ITFG1: variants seen among roughly 807,000 people sequenced by gnomAD.
ITFG1 encodes T-cell immunomodulatory protein.
In ITFG1, 34 loss-of-function variants were observed where a neutral mutation model predicts 81.8. The ratio of observed to expected loss-of-function variants is 0.42; its 90% CI spans 0.32 to 0.55. The LOEUF (loss-of-function observed/expected upper bound fraction) is 0.55. ITFG1 is among the 20% of genes least tolerant of loss of function. ITFG1 has a pLI of 0.17. For synonymous variants in ITFG1, 285 were observed against 270.6 expected (o/e 1.05, Z -0.52); for missense variants, 672 against 755.4 (o/e 0.89, Z 1.29).
In ITFG1 at chr16:47,185,312, C is replaced by G. The variant is rs1965196260; in HGVS notation, c.1454-22648G>C. 2.6e-5 allele frequency among the ~76,000 whole-genome samples: 4 copies of G among 152,206 alleles called. 1 individual carries two copies. In the South Asian group the frequency reaches 8.3e-4, roughly 32 times the overall value. ...AGCTACAGAACTCTCCACCCCAAAT[C>G]AACAGAATATACATTTTTTCAGCAC... On this transcript the variant is annotated intron_variant, in intron 14 of 17. Transcript: ENST00000320640.
At chr16:47,255,042 G>A (rs1282174775) in intron 12 of ITFG1, among the ~76,000 whole-genome samples, 3 of 152,056 alleles carry the variant, frequency 2.0e-5, no homozygotes, top group African/African-American at 7.2e-5. Context: ...AGCCAAGATC[G>A]CGCCACTGCA....
intron 6 of ITFG1, among the ~76,000 whole-genome samples, chr16:47,397,414 G>T (rs1275745347): frequency 6.6e-6 from 1 of 152,118 alleles, no homozygotes. Flanking sequence ...TAAGCAAAAA[G>T]AAAACAGTAA....
Position 47,461,028 on chromosome 16 carries a change from C to G in ITFG1, c.18G>C (p.Arg6=), listed in dbSNP as rs1034429268. 3 of 1,541,904 alleles carry G rather than the reference C, an allele frequency of 1.9e-6. No homozygotes were observed. The highest frequency in any genetic ancestry group is 2.6e-6 in the Non-Finnish European group (3 of 1,145,940). MAAAG[R]LPSSWALFSP... ...AGAAGAGGGCCCAGGAGCTCGGGAG[C>G]CGGCCCGCCGCCGCCATGGCAGCCC... The change falls in exon 1 of 18, where the codon CGG becomes CGC. Residue 6 remains arginine, a synonymous_variant. Transcript: ENST00000320640.
Position 47,318,527 on chromosome 16 carries a change from T to C in ITFG1, c.803-4704A>G, listed in dbSNP as rs539988022. Among the ~76,000 whole-genome samples, 4 of 152,302 alleles carry C rather than the reference T, an allele frequency of 2.6e-5. No individual in the cohort carries two copies. In the East Asian group the frequency reaches 5.8e-4, roughly 22 times the overall value. ...AAATGAAAATTATGGTTTCAATTGT[T>C]ACATTAAATTAAAATTTATATTTTA... is the stretch of plus-strand genomic sequence containing the variant. On this transcript the variant is annotated intron_variant, in intron 8 of 17. Transcript: ENST00000320640.
intron 13 of ITFG1, among the ~76,000 whole-genome samples, 195 bp from the exon 14 acceptor site, chr16:47,219,141 A>G (rs1351625071): frequency 6.6e-6 from 1 of 152,180 alleles, no homozygotes; most frequent in Non-Finnish European, 1.5e-5. Flanking sequence ...ACAAACAAAA[A>G]GAAAACCTGA....
chr16:47,293,121 C>G (rs1966930578), intron 10 of ITFG1, among the ~76,000 whole-genome samples: 1 of 144,940 alleles, frequency 6.9e-6, no homozygotes, highest in South Asian at 2.1e-4. Flanking sequence ...ATATCATATA[C>G]AAGCATGATA....
At chr16:47,436,818 A>C (rs1969173009) in intron 5 of ITFG1, among the ~76,000 whole-genome samples, 1 of 152,190 alleles carries the variant, frequency 6.6e-6, no homozygotes. Context: ...TGAGTTGTAA[A>C]AGGATGCATA....
rs2151594573 is a variant in ITFG1 at position 47,387,541 on chromosome 16, T to C, written c.656-11601A>G. Among the ~76,000 whole-genome samples the C allele has an allele frequency of 2.0e-5, 3 of 152,234 alleles. No homozygotes were observed. In the South Asian group the frequency reaches 6.2e-4, roughly 32 times the overall value. On this transcript the variant is annotated intron_variant, in intron 6 of 17. Coordinates refer to ENST00000320640, the MANE Select transcript of ITFG1 (RefSeq NM_030790.5). ...ATGCCCCTCAAGCCCTACTCATGCATAGGAACCTCACCCAGGCCCCACCTC... is the reference window on the plus strand; with the variant it reads ...ATGCCCCTCAAGCCCTACTCATGCACAGGAACCTCACCCAGGCCCCACCTC...
At position 47,461,004 on chromosome 16, in the gene ITFG1, G is replaced by C. The variant is rs758228621; in HGVS notation, c.42C>G (p.Phe14Leu). The C allele has an allele frequency of 1.3e-5, 21 of 1,563,020 alleles. No individual in the cohort carries two copies. The highest frequency in any genetic ancestry group is 1.7e-5 in the Non-Finnish European group (20 of 1,154,996). Residue 14 changes from phenylalanine to leucine, a missense_variant, in exon 1 of 18, where the codon TTC becomes TTG. By Grantham distance (22) the Phe-to-Leu change is conservative. Around this residue, in one of 3 missense-constraint regions of ITFG1, gnomAD observed 47 missense variants for 26.4 expected, o/e 1.78. Coordinates refer to ENST00000320640, the MANE Select transcript of ITFG1 (RefSeq NM_030790.5). ...AGRLPSSWAL[F>L]SPLLAGLALL... ...GTGCAAGCCCTGCGAGGAGCGGCGAGAAGAGGGCCCAGGAGCTCGGGAGCC... is the reference window on the plus strand; with the variant it reads ...GTGCAAGCCCTGCGAGGAGCGGCGACAAGAGGGCCCAGGAGCTCGGGAGCC...
chr16:47,402,465 C>A (rs1034817365), intron 6 of ITFG1, among the ~76,000 whole-genome samples: 1 of 152,066 alleles, frequency 6.6e-6, no homozygotes, highest in Middle Eastern at 3.2e-3. Context: ...AGGGACTTGC[C>A]CAAAATCAAG....
intron 3 of ITFG1, 87 bp from the exon 4 acceptor site, chr16:47,452,877 T>A: frequency 1.6e-6 from 1 of 642,792 alleles, no homozygotes; most frequent in East Asian, 3.1e-5. Context: ...ATTCTTCTAC[T>A]CTTTTCTAGA....
chr16:47,458,983 CA>C, intron 2 of ITFG1, 119 bp downstream of exon 2: 1 of 630,194 alleles, frequency 1.6e-6, no homozygotes. Flanking sequence ...TCATACCTCA[CA>C]AACAGTGGTT....
Position 47,228,420 on chromosome 16 carries a change from C to T in ITFG1, c.1375-9474G>A, listed in dbSNP as rs118037210. On this transcript the variant is annotated intron_variant, in intron 13 of 17. Coordinates refer to ENST00000320640, the MANE Select transcript of ITFG1 (RefSeq NM_030790.5). Reference sequence around the variant, plus strand: ...TGTTGCCCAGGCTGGAGCCCAGTGGCGCGATCACAGCTCACTACGGCCTTG... The same window carrying T: ...TGTTGCCCAGGCTGGAGCCCAGTGGTGCGATCACAGCTCACTACGGCCTTG... Among the ~76,000 whole-genome samples the T allele has an allele frequency of 5.5e-3, 843 of 152,292 alleles. 6 individuals are homozygous for T. Among genetic ancestry groups the T allele is most frequent in the Middle Eastern group, 0.01 (3 of 292 alleles).
intron 8 of ITFG1, among the ~76,000 whole-genome samples, chr16:47,350,945 C>A (rs1462376275): frequency 6.6e-6 from 1 of 152,184 alleles, no homozygotes; most frequent in African/African-American, 2.4e-5. Context: ...AGCATATAAA[C>A]AGAACCAAAG....
intron 13 of ITFG1, among the ~76,000 whole-genome samples, chr16:47,224,146 T>C (rs1965730451): frequency 6.6e-6 from 1 of 152,072 alleles, no homozygotes; most frequent in Non-Finnish European, 1.5e-5. Context: ...CACACCAGCA[T>C]GGCACATGTA....
intron 14 of ITFG1, chr16:47,196,439 C>G (rs563600983): frequency 1.3e-5 from 2 of 152,090 alleles, no homozygotes; most frequent in South Asian, 4.2e-4. Context: ...TGGTAAAGTG[C>G]TGAGGTGGGG....
intron 12 of ITFG1, among the ~76,000 whole-genome samples, chr16:47,240,347 T>C (rs1004194676): frequency 6.9e-6 from 1 of 145,138 alleles, no homozygotes; most frequent in Admixed American, 6.9e-5. Context: ...TGGTGCTGGA[T>C]AATTGGTTAC....
chr16:47,238,482 G>C (rs1213016831), intron 12 of ITFG1, among the ~76,000 whole-genome samples: 1 of 152,042 alleles, frequency 6.6e-6, no homozygotes, highest in African/African-American at 2.4e-5. Context: ...CTAATATAGA[G>C]AGCATAACTA....
Position 47,365,839 on chromosome 16 carries a change from C to A in ITFG1, c.751G>T (p.Glu251Ter), listed in dbSNP as rs1968170752. The A allele has an allele frequency of 6.2e-7, 1 of 1,602,992 alleles. No homozygotes were observed. The highest frequency in any genetic ancestry group is 1.3e-5 in the African/African-American group (1 of 74,414). ...ACCACCATCATATTTTGAGGTTTTTCCAATATAGTACTGACAGAGAAGTTT... is the reference window on the plus strand; with the variant it reads ...ACCACCATCATATTTTGAGGTTTTTACAATATAGTACTGACAGAGAAGTTT... ...DGNFSVSTIL[E>*]KPQNMMVVGQ... Residue 251 changes from glutamate to a stop codon, truncating the protein, a stop_gained, in exon 8 of 18, where the codon GAA becomes TAA. Transcript: ENST00000320640. LOFTEE classifies it high-confidence loss of function.
Sources: allele counts gnomAD v4.1 joint callset (sites outside exome capture counted in the v4.1 genomes callset), GRCh38; gene constraint gnomAD v4.1.1; regional missense constraint gnomAD v4.1.1; transcripts MANE v1.5; gene names NCBI Gene and HGNC (gene_info 2026-07-23, HGNC 2026-07-21).